The following ABCB10 variants were observed in gnomAD, a reference collection of about 807,000 sequenced individuals.
ABCB10 encodes the protein ATP-binding cassette sub-family B member 10, mitochondrial.
A neutral mutation model predicts 65.4 loss-of-function variants in ABCB10; 54 were observed. That is an observed-to-expected ratio of 0.83 (90% CI 0.66 to 1.04). The LOEUF (loss-of-function observed/expected upper bound fraction) is 1.04, where lower values mean the gene tolerates loss of function less well. Among genes scored for constraint, ABCB10 ranks in the 50% least tolerant of loss-of-function variants. ABCB10 has a pLI of 0.00. For missense variants in ABCB10, 846 were observed against 976.6 expected (o/e 0.87, Z 1.78); for synonymous variants, 418 against 406.5 (o/e 1.03, Z -0.34).
At chr1:229,543,036 A>T (rs1349459498) in intron 3 of ABCB10, among the ~76,000 whole-genome samples, 1 of 151,452 alleles carries the variant, frequency 6.6e-6, no homozygotes, top group African/African-American at 2.4e-5. Flanking sequence ...GAGGCTGAGG[A>T]AGGAGAATCG....
chr1:229,542,409 C>A, intron 3 of ABCB10, 38 bp from the exon 4 acceptor site: 1 of 1,597,148 alleles, frequency 6.3e-7, no homozygotes, highest in South Asian at 1.1e-5. Context: ...GTGTTTGTTA[C>A]ATTGGGTGGC....
intron 3 of ABCB10, among the ~76,000 whole-genome samples, chr1:229,546,951 A>G (rs938665566): frequency 3.3e-5 from 5 of 152,172 alleles, no homozygotes; most frequent in East Asian, 1.9e-4. Flanking sequence ...TGTGGCTACT[A>G]AAACATTAAA....
chr1:229,532,097 C>T (rs184536373), intron 6 of ABCB10, among the ~76,000 whole-genome samples: 10 of 152,062 alleles, frequency 6.6e-5, no homozygotes, highest in South Asian at 4.1e-4. Flanking sequence ...GGATTACAGG[C>T]GCAAGCCACC....
At chr1:229,544,365 C>T (rs1209568553) in intron 3 of ABCB10, among the ~76,000 whole-genome samples, 1 of 139,412 alleles carries the variant, frequency 7.2e-6, no homozygotes, top group Non-Finnish European at 1.5e-5. Context: ...TGCAGTGAGC[C>T]AAGATGACAC....
chr1:229,542,264 A>T lies in ABCB10; in HGVS notation c.1029T>A (p.Thr343=), dbSNP rs939903301. 4 of 1,613,944 alleles carry T rather than the reference A, an allele frequency of 2.5e-6. No individual in the cohort carries two copies. Among genetic ancestry groups the T allele is most frequent in the Non-Finnish European group, 3.4e-6 (4 of 1,180,008 alleles). The change falls in exon 4 of 13, where the codon ACT becomes ACA. Residue 343 remains threonine (T), a synonymous_variant. Coordinates refer to ENST00000344517, the MANE Select transcript of ABCB10 (RefSeq NM_012089.3). ...GRYLRKLTKV[T]QDSLAQATQL... ...GAGTGGCTTGTGCCAGGGAATCCTGAGTGACTTTGGTCAGTTTCCGTAGAT... is the reference window on the plus strand; with the variant it reads ...GAGTGGCTTGTGCCAGGGAATCCTGTGTGACTTTGGTCAGTTTCCGTAGAT...
chr1:229,535,792 C>T (rs1162422837), intron 6 of ABCB10, among the ~76,000 whole-genome samples: 1 of 151,318 alleles, frequency 6.6e-6, no homozygotes, highest in African/African-American at 2.4e-5. Context: ...GTGGCACAAT[C>T]CCAGCTCGCT....
At chr1:229,529,115 C>G (rs1402816058) in intron 8 of ABCB10, among the ~76,000 whole-genome samples, 1 of 149,434 alleles carries the variant, frequency 6.7e-6, no homozygotes, top group Non-Finnish European at 1.5e-5. Flanking sequence ...CACGGTGAAA[C>G]CCCATCTCTA....
chr1:229,543,880 G>T (rs1432890518), intron 3 of ABCB10, among the ~76,000 whole-genome samples: 1 of 152,216 alleles, frequency 6.6e-6, no homozygotes, highest in South Asian at 2.1e-4. Context: ...TCATATCTCT[G>T]ATGGTCACCA....
chr1:229,539,711 A>C, intron 5 of ABCB10, 120 bp from the exon 6 acceptor site: 1 of 1,188,814 alleles, frequency 8.4e-7, no homozygotes, highest in Non-Finnish European at 1.2e-6. Context: ...TTTTTCCAAA[A>C]TATTAATTTC....
At chr1:229,527,410 G>C in intron 8 of ABCB10, 102 bp from the exon 9 acceptor site, 1 of 1,022,274 alleles carries the variant, frequency 9.8e-7, no homozygotes, top group Admixed American at 2.1e-5. Flanking sequence ...ATTTTTTAAA[G>C]ATCAAAATGT....
At chr1:229,533,982 G>A (rs1280959398) in intron 6 of ABCB10, among the ~76,000 whole-genome samples, 1 of 152,028 alleles carries the variant, frequency 6.6e-6, no homozygotes, top group Admixed American at 6.6e-5. Context: ...GAAAAGAAGA[G>A]GACCAGCCAC....
At chr1:229,549,167 G>T in intron 2 of ABCB10, 67 bp downstream of exon 2, 1 of 1,571,118 alleles carries the variant, frequency 6.4e-7, no homozygotes, top group South Asian at 1.1e-5. Context: ...ATTTGAGCCC[G>T]AACAAACCCA....
chr1:229,534,563 TA>T lies in ABCB10; in HGVS notation c.1340-2833del, dbSNP rs796623581. ...CAACAGGGTGAAACCCTGTCTCTAC[TA>T]AAAAAAAAAATACAAAAATTAGGCC... On this transcript the variant is annotated intron_variant, in intron 6 of 12. Coordinates refer to ENST00000344517, the MANE Select transcript of ABCB10 (RefSeq NM_012089.3). 3.9e-4 allele frequency among the ~76,000 whole-genome samples: 55 copies of T among 141,930 alleles called. 1 individual carries two copies. Among genetic ancestry groups the T allele is most frequent in the East Asian group, 6.1e-4 (3 of 4,890 alleles). The allele number at this position is 141,930 out of a possible 152,430, so 93.1% of individuals were successfully genotyped here.
intron 1 of ABCB10, among the ~76,000 whole-genome samples, chr1:229,550,688 AC>A (rs2102709025): frequency 7.6e-6 from 1 of 131,454 alleles, no homozygotes; most frequent in African/African-American, 3.4e-5. Flanking sequence ...CCCTGTCTCT[AC>A]TAAAAAAAAA....
chr1:229,542,281 T>TC lies in ABCB10; in HGVS notation c.1011dup (p.Lys338GlufsTer18). On this transcript the variant is annotated frameshift_variant, in exon 4 of 13. Coordinates refer to ENST00000344517, the MANE Select transcript of ABCB10 (RefSeq NM_012089.3). LOFTEE classifies it high-confidence loss of function. ...GAATCCTGAGTGACTTTGGTCAGTT[T>TC]CCGTAGATATCGCCCATAAATTACA... is the stretch of plus-strand genomic sequence containing the variant. The TC allele has an allele frequency of 1.9e-6, 3 of 1,614,108 alleles. No homozygotes were observed. Among genetic ancestry groups the TC allele is most frequent in the Non-Finnish European group, 2.5e-6 (3 of 1,180,016 alleles).
At chr1:229,552,582 T>C (rs548300513) in intron 1 of ABCB10, among the ~76,000 whole-genome samples, 2 of 152,216 alleles carry the variant, frequency 1.3e-5, no homozygotes, top group Non-Finnish European at 2.9e-5. Context: ...CAGCGCTGGA[T>C]AGAAGAGGTT....
chr1:229,544,829 C>T (rs1341427548), intron 3 of ABCB10, among the ~76,000 whole-genome samples: 2 of 152,220 alleles, frequency 1.3e-5, no homozygotes, highest in African/African-American at 4.8e-5. Flanking sequence ...ACTCTCTCTC[C>T]ACTATGTGAG....
intron 1 of ABCB10, among the ~76,000 whole-genome samples, chr1:229,556,417 C>T (rs1663248856): frequency 6.6e-6 from 1 of 151,910 alleles, no homozygotes; most frequent in South Asian, 2.1e-4. Context: ...TGGCACATGC[C>T]TGTAGTCCCA....
intron 5 of ABCB10, among the ~76,000 whole-genome samples, chr1:229,540,325 T>C (rs752787645): frequency 4.1e-4 from 63 of 152,308 alleles, no homozygotes; most frequent in Non-Finnish European, 2.2e-4. Context: ...AGCTGAGTCT[T>C]GGTGAGGCAG....
Sources: allele counts gnomAD v4.1 joint callset (sites outside exome capture counted in the v4.1 genomes callset), GRCh38; gene constraint gnomAD v4.1.1; transcripts MANE v1.5; gene names NCBI Gene and HGNC (gene_info 2026-07-23, HGNC 2026-07-21).